The following PTPRD variants were observed in gnomAD, a reference collection of about 807,000 sequenced individuals.
The protein encoded by PTPRD is protein tyrosine phosphatase receptor type D.
Under a neutral mutation model 214.5 loss-of-function variants are expected in PTPRD, and 34 were observed. The observed-to-expected ratio is 0.16, with a 90% confidence interval of 0.12 to 0.21. The LOEUF (loss-of-function observed/expected upper bound fraction) is 0.21. Among genes scored for constraint, PTPRD ranks in the 10% least tolerant of loss-of-function variants. PTPRD has a pLI of 1.00. For synonymous variants in PTPRD, 1,128 were observed against 845.7 expected (o/e 1.33, Z -5.79); for missense variants, 2,545 against 2,398.7 (o/e 1.06, Z -1.27).
At chr9:8,566,942 G>T (rs1564398372) in intron 14 of PTPRD, among the ~76,000 whole-genome samples, 1 of 151,834 alleles carries the variant, frequency 6.6e-6, no homozygotes, top group Non-Finnish European at 1.5e-5. Context: ...CTTGATTTGG[G>T]GTTTTCTTAT....
chr9:8,790,797 G>T (rs1180433372), intron 11 of PTPRD, among the ~76,000 whole-genome samples: 1 of 149,078 alleles, frequency 6.7e-6, no homozygotes, highest in African/African-American at 2.4e-5. Flanking sequence ...TGACAAAACA[G>T]AAATGTTGTA....
At chr9:9,159,344 C>G (rs144229054) in intron 10 of PTPRD, among the ~76,000 whole-genome samples, 142 of 152,180 alleles carry the variant, frequency 9.3e-4, no homozygotes, top group African/African-American at 3.2e-3. Flanking sequence ...GCTGTTAGAA[C>G]TCAAACAAAC....
chr9:9,065,130 T>A (rs1367888857), intron 10 of PTPRD, among the ~76,000 whole-genome samples: 1 of 152,200 alleles, frequency 6.6e-6, no homozygotes, highest in African/African-American at 2.4e-5. Flanking sequence ...CCTTTTGGAC[T>A]TTCAGGTCTA....
intron 14 of PTPRD, among the ~76,000 whole-genome samples, chr9:8,624,175 G>T (rs1258826391): frequency 6.6e-6 from 1 of 151,868 alleles, no homozygotes; most frequent in Non-Finnish European, 1.5e-5. Context: ...GAAGAATATG[G>T]AAATGTGTGT....
intron 14 of PTPRD, among the ~76,000 whole-genome samples, chr9:8,591,813 G>A (rs2094127799): frequency 6.6e-6 from 1 of 152,124 alleles, no homozygotes; most frequent in Non-Finnish European, 1.5e-5. Context: ...AGCTTTAAAT[G>A]TGAACTCTGT....
intron 11 of PTPRD, among the ~76,000 whole-genome samples, chr9:8,979,816 A>G (rs1209526704): frequency 1.3e-5 from 2 of 152,106 alleles, no homozygotes; most frequent in Admixed American, 1.3e-4. Flanking sequence ...ATTATGGAAA[A>G]AAGTATGAAC....
At chr9:9,194,738 G>C (rs970732902) in intron 9 of PTPRD, among the ~76,000 whole-genome samples, 6 of 152,100 alleles carry the variant, frequency 3.9e-5, no homozygotes, top group Non-Finnish European at 1.5e-5. Context: ...CTGAGCGATA[G>C]TGGGAAAATA....
intron 11 of PTPRD, among the ~76,000 whole-genome samples, chr9:8,776,491 T>C (rs934856414): frequency 2.7e-5 from 4 of 147,302 alleles, no homozygotes; most frequent in African/African-American, 9.9e-5. Flanking sequence ...AAAGATGGGA[T>C]TTCGTCATGT....
At chr9:8,507,502 C>G in intron 21 of PTPRD, 68 bp from the exon 22 acceptor site, 1 of 1,590,834 alleles carries the variant, frequency 6.3e-7, no homozygotes, top group Non-Finnish European at 8.6e-7. Context: ...CTTCCATTAG[C>G]GTAACCTGCT....
intron 3 of PTPRD, among the ~76,000 whole-genome samples, chr9:10,132,917 T>C (rs1051737972): frequency 6.6e-6 from 1 of 151,164 alleles, no homozygotes; most frequent in Non-Finnish European, 1.5e-5. Context: ...GTATGGCCAA[T>C]AGGATACAAC....
At chr9:8,340,273 T>G (rs1851266545) in intron 42 of PTPRD, 70 bp downstream of exon 42, 1 of 1,473,376 alleles carries the variant, frequency 6.8e-7, no homozygotes, top group East Asian at 2.3e-5. Flanking sequence ...CAAGAGTTAT[T>G]GAAACAAAGT....
intron 10 of PTPRD, among the ~76,000 whole-genome samples, chr9:9,135,963 A>G (rs180988169): frequency 7.3e-4 from 110 of 151,280 alleles, no homozygotes; most frequent in African/African-American, 2.6e-3. Flanking sequence ...TTATTTTTTC[A>G]TGTGAAATCA....
At chr9:9,198,714 T>A (rs1033951998) in intron 9 of PTPRD, among the ~76,000 whole-genome samples, 4 of 152,198 alleles carry the variant, frequency 2.6e-5, no homozygotes, top group Non-Finnish European at 4.4e-5. Context: ...AAAAATGAAG[T>A]GGATAGATGC....
intron 2 of PTPRD, among the ~76,000 whole-genome samples, chr9:10,545,780 A>G (rs996001336): frequency 4.6e-5 from 7 of 152,146 alleles, no homozygotes; most frequent in African/African-American, 1.7e-4. Flanking sequence ...ATTGCTAGAC[A>G]ATAGAATTCT....
At chr9:8,414,960 A>T in intron 35 of PTPRD, among the ~76,000 whole-genome samples, 1 of 143,032 alleles carries the variant, frequency 7.0e-6, no homozygotes, top group Admixed American at 7.3e-5. Context: ...AGAGAGAGAG[A>T]GAGAGAGAGA....
At chr9:8,620,047 G>C (rs1297558370) in intron 14 of PTPRD, among the ~76,000 whole-genome samples, 1 of 151,894 alleles carries the variant, frequency 6.6e-6, no homozygotes, top group Non-Finnish European at 1.5e-5. Context: ...AAAGCACTTA[G>C]CAGACCTCTC....
intron 34 of PTPRD, among the ~76,000 whole-genome samples, chr9:8,444,821 G>A (rs372497616): frequency 6.6e-6 from 1 of 152,238 alleles, no homozygotes; most frequent in African/African-American, 2.4e-5. Context: ...ATAAAAGAAA[G>A]AAAGAGAAAA....
chr9:9,897,235 G>C (rs143109171), intron 5 of PTPRD, among the ~76,000 whole-genome samples: 10 of 151,846 alleles, frequency 6.6e-5, no homozygotes, highest in Non-Finnish European at 1.5e-4. Flanking sequence ...CTTAAATCTA[G>C]AGGCAGAGGT....
At chr9:10,562,525 T>C (rs2064288312) in intron 2 of PTPRD, among the ~76,000 whole-genome samples, 1 of 152,134 alleles carries the variant, frequency 6.6e-6, no homozygotes, top group Non-Finnish European at 1.5e-5. Context: ...GATCCAAAAC[T>C]TTAATAATAG....
Sources: gnomAD v4.1 joint callset for allele counts (sites outside exome capture counted in the v4.1 genomes callset) on GRCh38, gnomAD v4.1.1 for gene constraint, MANE v1.5 for transcripts, NCBI Gene and HGNC (gene_info 2026-07-23, HGNC 2026-07-21) for gene names.